NECAB1: variants seen among roughly 807,000 people sequenced by gnomAD.
NECAB1 encodes the protein N-terminal EF-hand calcium-binding protein 1.
In NECAB1, 29 loss-of-function variants were observed where a neutral mutation model predicts 57.5. That is an observed-to-expected ratio of 0.50 (90% CI 0.38 to 0.69). NECAB1 has a LOEUF of 0.69. Ranked by LOEUF, NECAB1 falls within the 30% of genes least tolerant of loss-of-function variation. The pLI, the probability that NECAB1 is intolerant of heterozygous loss-of-function variation, is 0.00. For missense variants in NECAB1, 372 were observed against 413.8 expected (o/e 0.90, Z 0.88); for synonymous variants, 142 against 147.7 (o/e 0.96, Z 0.28).
chr8:90,824,851 T>G lies in NECAB1; in HGVS notation c.233+26T>G. The G allele has an allele frequency of 2.5e-6, 3 of 1,199,994 alleles. No homozygotes were observed. The East Asian group carries it at 8.0e-5, about 32-fold the overall frequency. 74.3% of individuals were successfully genotyped at this position (1,199,994 alleles called of 1,614,324 possible). On this transcript the variant is annotated intron_variant, in intron 3 of 12. Transcript: ENST00000417640. ...GTAAGAAACTTTTTTATCACTGGAT[T>G]CCACAAGTGAGGCACAGAGAGCGTG...
At position 90,938,056 on chromosome 8, in the gene NECAB1, T is replaced by C. The variant is rs140851223; in HGVS notation, c.748-2730T>C. On this transcript the variant is annotated intron_variant, in intron 9 of 12. Transcript: ENST00000417640. ...ATGTACTAAATAGAACAAAGTAACATGAAAAAATAAGTTGTATTTAAAACA... is the reference window on the plus strand; with the variant it reads ...ATGTACTAAATAGAACAAAGTAACACGAAAAAATAAGTTGTATTTAAAACA... Among the ~76,000 whole-genome samples, 119 of 152,230 alleles carry C rather than the reference T, an allele frequency of 7.8e-4. 1 individual carries two copies. Among genetic ancestry groups the C allele is most frequent in the African/African-American group, 2.7e-3 (114 of 41,538 alleles).
intron 3 of NECAB1, among the ~76,000 whole-genome samples, chr8:90,852,313 T>C (rs1245552006): frequency 6.6e-6 from 1 of 152,146 alleles, no homozygotes; most frequent in East Asian, 1.9e-4. Context: ...ACTTGCCCAT[T>C]ATCACATCAC....
At chr8:90,857,277 T>G (rs1439443739) in intron 3 of NECAB1, among the ~76,000 whole-genome samples, 2 of 152,162 alleles carry the variant, frequency 1.3e-5, no homozygotes, top group African/African-American at 2.4e-5. Context: ...AAATAAATAT[T>G]ACTCCTATTT....
At chr8:90,945,649 G>T (rs1810788783) in intron 10 of NECAB1, among the ~76,000 whole-genome samples, 1 of 152,160 alleles carries the variant, frequency 6.6e-6, no homozygotes, top group African/African-American at 2.4e-5. Flanking sequence ...GGGGAAGGAA[G>T]AAGCCAAGAG....
chr8:90,894,642 A>G (rs961090988), intron 5 of NECAB1, among the ~76,000 whole-genome samples: 2 of 152,192 alleles, frequency 1.3e-5, no homozygotes, highest in African/African-American at 2.4e-5. Context: ...TCTACTTCCA[A>G]GGTCATTCTC....
At chr8:90,843,691 T>TG (rs1812499886) in intron 3 of NECAB1, among the ~76,000 whole-genome samples, 1 of 152,256 alleles carries the variant, frequency 6.6e-6, no homozygotes, top group Admixed American at 6.5e-5. Flanking sequence ...TATTGAGCAC[T>TG]GGCTGTGGGC....
At chr8:90,912,033 G>A (rs1049967609) in intron 5 of NECAB1, among the ~76,000 whole-genome samples, 6 of 152,132 alleles carry the variant, frequency 3.9e-5, no homozygotes, top group Non-Finnish European at 7.4e-5. Context: ...AACACAGAAC[G>A]TAAGTGTGAC....
At chr8:90,888,706 G>A (rs936527155) in intron 5 of NECAB1, among the ~76,000 whole-genome samples, 1 of 152,164 alleles carries the variant, frequency 6.6e-6, no homozygotes, top group Admixed American at 6.6e-5. Flanking sequence ...CCAAAAGAAT[G>A]TACTTTCAAA....
At chr8:90,925,752 A>T (rs1006719394) in intron 7 of NECAB1, 96 bp downstream of exon 7, 1 of 1,479,640 alleles carries the variant, frequency 6.8e-7, no homozygotes, top group African/African-American at 1.4e-5. Flanking sequence ...GACAATAGTA[A>T]TGGAACACTT....
chr8:90,793,524 G>T (rs1163074804), intron 1 of NECAB1, among the ~76,000 whole-genome samples: 3 of 152,156 alleles, frequency 2.0e-5, no homozygotes, highest in Non-Finnish European at 4.4e-5. Context: ...TGGCTTAACG[G>T]GCTGATCTTA....
intron 10 of NECAB1, among the ~76,000 whole-genome samples, chr8:90,948,836 C>T (rs1276253054): frequency 6.6e-6 from 1 of 152,154 alleles, no homozygotes; most frequent in Non-Finnish European, 1.5e-5. Context: ...ACTGTGCCAT[C>T]GGAAGGATCT....
At chr8:90,947,351 C>G (rs1843654) in intron 10 of NECAB1, among the ~76,000 whole-genome samples, 22,222 of 124,988 alleles carry the variant, frequency 0.18, 4,235 homozygotes, top group African/African-American at 0.46. Flanking sequence ...CACACACACA[C>G]AATAAGCCAA....
intron 1 of NECAB1, among the ~76,000 whole-genome samples, chr8:90,793,704 T>C (rs1399262493): frequency 4.6e-5 from 7 of 152,152 alleles, no homozygotes. Flanking sequence ...GGGGCCTCCA[T>C]TCATTCTGAC....
rs1289995530 is a variant in NECAB1, at chr8:90,896,748, TGATTACCTACTCCACCCTGACTCATTCC to T, written c.357+15634_357+15661del. ...TTATCTACTCCACCCTGACTCATCC[TGATTACCTACTCCACCCTGACTCATTCC>T]GATTACCTACTCCACTCTAACTCAT... On this transcript the variant is annotated intron_variant, in intron 5 of 12. Transcript: ENST00000417640. 7.9e-5 allele frequency among the ~76,000 whole-genome samples: 12 copies of T among 152,342 alleles called. No homozygotes were observed. In the Middle Eastern group the frequency reaches 0.014, roughly 173 times the overall value.
chr8:90,851,876 G>C (rs1812689941), intron 3 of NECAB1, among the ~76,000 whole-genome samples: 2 of 152,094 alleles, frequency 1.3e-5, no homozygotes, highest in South Asian at 4.1e-4. Flanking sequence ...CCCATAATTA[G>C]AGTATCATAA....
intron 11 of NECAB1, among the ~76,000 whole-genome samples, chr8:90,950,710 G>T (rs913111849): frequency 1.3e-5 from 2 of 152,090 alleles, no homozygotes; most frequent in Non-Finnish European, 2.9e-5. Flanking sequence ...AGAAGGAAAC[G>T]AGGTAACTTA....
chr8:90,872,201 G>GA (rs533994579), intron 4 of NECAB1, 48 bp downstream of exon 4: 1 of 1,422,776 alleles, frequency 7.0e-7, no homozygotes, highest in Non-Finnish European at 9.6e-7. Context: ...GCTTAAGAAG[G>GA]AAAAAGAGTA....
At chr8:90,852,755 A>G (rs1320001892) in intron 3 of NECAB1, among the ~76,000 whole-genome samples, 1 of 152,188 alleles carries the variant, frequency 6.6e-6, no homozygotes, top group African/African-American at 2.4e-5. Flanking sequence ...GGGAAAGATT[A>G]TGTGTCTGCC....
chr8:90,906,876 CATATATATAT>C (rs57808023), intron 5 of NECAB1, among the ~76,000 whole-genome samples: 11 of 121,760 alleles, frequency 9.0e-5, no homozygotes, highest in South Asian at 5.4e-4. Context: ...ATGATATACA[CATATATATAT>C]ATATATATAT....
Sources: gnomAD v4.1 joint callset for allele counts (sites outside exome capture counted in the v4.1 genomes callset) on GRCh38, gnomAD v4.1.1 for gene constraint, MANE v1.5 for transcripts, NCBI Gene and HGNC (gene_info 2026-07-23, HGNC 2026-07-21) for gene names.